Variants in IRAK1BP1 observed in about 807,000 individuals in gnomAD.
IRAK1BP1 encodes interleukin 1 receptor associated kinase 1 binding protein 1.
A neutral mutation model predicts 28.0 loss-of-function variants in IRAK1BP1; 24 were observed. The observed-to-expected ratio is 0.86, with a 90% CI of 0.62 to 1.20. The LOEUF (loss-of-function observed/expected upper bound fraction) is 1.20, where lower values mean the gene tolerates loss of function less well. Ranked by LOEUF, IRAK1BP1 falls within the 50% of genes most tolerant of loss-of-function variation. IRAK1BP1 has a pLI of 0.00. For missense variants in IRAK1BP1, 336 were observed against 316.7 expected (o/e 1.06, Z -0.46); for synonymous variants, 131 against 116.3 (o/e 1.13, Z -0.81).
At chr6:78,957,623 T>TA in the IRAK1BP1 span, 8 of 150,204 alleles carry the variant, frequency 5.3e-5, no homozygotes, top group African/African-American at 1.7e-4. Context: ...TTTCATTATG[T>TA]AAAAATGAAA....
downstream of IRAK1BP1, chr6:78,947,779 G>C (rs771181865): frequency 6.3e-6 from 10 of 1,599,244 alleles, no homozygotes; most frequent in African/African-American, 1.3e-4. Flanking sequence ...TGTAGTCCTA[G>C]GAGAGGGAAA....
chr6:78,948,886 A>G (rs1313896720), downstream of IRAK1BP1, among the ~76,000 whole-genome samples: 1 of 152,230 alleles, frequency 6.6e-6, no homozygotes, highest in African/African-American at 2.4e-5. Context: ...ATGATCAAAT[A>G]CGTCTGACCA....
the IRAK1BP1 span, among the ~76,000 whole-genome samples, chr6:78,964,494 ATAT>A: frequency 1.6e-4 from 24 of 151,998 alleles, no homozygotes; most frequent in African/African-American, 5.8e-4. Context: ...GAGATGTAAT[ATAT>A]TATTATTATT....
At chr6:78,977,577 GAAT>G in the IRAK1BP1 span, among the ~76,000 whole-genome samples, 1 of 136,076 alleles carries the variant, frequency 7.3e-6, no homozygotes, top group African/African-American at 2.6e-5. Flanking sequence ...GAATAGTGCT[GAAT>G]AATGAAGACC....
downstream of IRAK1BP1, among the ~76,000 whole-genome samples, chr6:78,906,936 G>A (rs1041764414): frequency 6.6e-6 from 1 of 152,056 alleles, no homozygotes; most frequent in African/African-American, 2.4e-5. Flanking sequence ...AAAGATGGTG[G>A]CTATTTTTTC....
At chr6:78,950,880 C>G (rs1774102831), downstream of IRAK1BP1, among the ~76,000 whole-genome samples, 1 of 151,860 alleles carries the variant, frequency 6.6e-6, no homozygotes, top group South Asian at 2.1e-4. Flanking sequence ...TGTTGGCTTA[C>G]CTTTGGGTGA....
At chr6:78,896,783 C>G (rs965216280) in intron 2 of IRAK1BP1, among the ~76,000 whole-genome samples, 1 of 150,568 alleles carries the variant, frequency 6.6e-6, no homozygotes, top group Non-Finnish European at 1.5e-5. Flanking sequence ...CGTGATCACA[C>G]CACTGCACTC....
intron 1 of IRAK1BP1, 131 bp downstream of exon 1, chr6:78,868,022 C>A: frequency 1.1e-6 from 1 of 940,712 alleles, no homozygotes; most frequent in Non-Finnish European, 1.6e-6. Flanking sequence ...GCGTTTGTTG[C>A]AAAGGTACTC....
chr6:78,945,285 C>A, intron 4 of IRAK1BP1: 1 of 1,554,974 alleles, frequency 6.4e-7, no homozygotes, highest in Non-Finnish European at 8.9e-7. Flanking sequence ...TTGAAAGATA[C>A]AAGTAATACC....
chr6:78,961,092 G>T, the IRAK1BP1 span, among the ~76,000 whole-genome samples: 1 of 151,890 alleles, frequency 6.6e-6, no homozygotes, highest in Non-Finnish European at 1.5e-5. Flanking sequence ...TAATAATAAA[G>T]CCTACTGACG....
the IRAK1BP1 span, chr6:78,966,051 G>A: frequency 1.2e-6 from 2 of 1,606,954 alleles, no homozygotes; most frequent in Non-Finnish European, 1.7e-6. Context: ...GACCTGAAGC[G>A]GTCACCTGGC....
rs1248606469 is a variant in IRAK1BP1, at chr6:78,900,617, A to C, written c.*2283A>C. 1 of 152,176 alleles carries C rather than the reference A, an allele frequency of 6.6e-6. No homozygotes were observed. Among genetic ancestry groups the C allele is most frequent in the African/African-American group, 2.4e-5 (1 of 41,452 alleles). 9.4% of individuals were successfully genotyped at this position (152,176 alleles called of 1,614,324 possible). On this transcript the variant is annotated 3_prime_UTR_variant, in exon 4 of 4. Coordinates refer to ENST00000369940, the MANE Select transcript of IRAK1BP1 (RefSeq NM_001010844.4). ...TGTTCACAGTTGTGTTCCCAGCCCCAGAGGTAGTCTCAGGGCCAATATCAA... is the reference window on the plus strand; with the variant it reads ...TGTTCACAGTTGTGTTCCCAGCCCCCGAGGTAGTCTCAGGGCCAATATCAA...
chr6:78,945,229 G>T, intron 4 of IRAK1BP1: 1 of 1,153,670 alleles, frequency 8.7e-7, no homozygotes, highest in Non-Finnish European at 1.3e-6. Flanking sequence ...GGATATAAAT[G>T]CTGATTCCAA....
chr6:78,955,304 G>C, the IRAK1BP1 span: 1 of 1,569,680 alleles, frequency 6.4e-7, no homozygotes, highest in East Asian at 2.2e-5. Flanking sequence ...GAATTTACCA[G>C]ATTCATAAAA....
chr6:78,920,334 T>A (rs1422746356), intron 4 of IRAK1BP1, among the ~76,000 whole-genome samples: 2 of 151,756 alleles, frequency 1.3e-5, no homozygotes, highest in Non-Finnish European at 1.5e-5. Flanking sequence ...ACCAAAGCAA[T>A]CCTAAGCAAA....
At chr6:78,961,682 G>C in the IRAK1BP1 span, 4 of 1,610,922 alleles carry the variant, frequency 2.5e-6, no homozygotes, top group Middle Eastern at 1.7e-4. Context: ...ACATCAAATG[G>C]TTCTAACCTG....
intron 4 of IRAK1BP1, among the ~76,000 whole-genome samples, chr6:78,934,941 C>T (rs1773213217): frequency 6.6e-6 from 1 of 152,136 alleles, no homozygotes. Context: ...AAAGACTAAT[C>T]AGTAAGTGGT....
chr6:78,919,345 A>C (rs1040509471), intron 4 of IRAK1BP1, among the ~76,000 whole-genome samples: 2 of 152,202 alleles, frequency 1.3e-5, no homozygotes, highest in African/African-American at 2.4e-5. Context: ...AACTAAAATC[A>C]AAGCAGAACT....
At chr6:78,905,056 G>A (rs1008716623), downstream of IRAK1BP1, among the ~76,000 whole-genome samples, 2 of 152,102 alleles carry the variant, frequency 1.3e-5, no homozygotes, top group African/African-American at 4.8e-5. Flanking sequence ...GACTGTATTG[G>A]TTTCATTTTG....
Sources: allele counts gnomAD v4.1 joint callset (sites outside exome capture counted in the v4.1 genomes callset), GRCh38; gene constraint gnomAD v4.1.1; transcripts MANE v1.5; gene names NCBI Gene and HGNC (gene_info 2026-07-23, HGNC 2026-07-21).